PLS1: variants seen among roughly 807,000 people sequenced by gnomAD.
The protein encoded by PLS1 is plastin 1.
In PLS1, 32 loss-of-function variants were observed where a neutral mutation model predicts 73.7. That is an observed-to-expected ratio of 0.43 (90% CI 0.33 to 0.58). The LOEUF is 0.58. Ranked by LOEUF, PLS1 falls within the 20% of genes least tolerant of loss-of-function variation. The pLI, the probability that PLS1 is intolerant of heterozygous loss-of-function variation, is 0.04. For missense variants in PLS1, 633 were observed against 740.5 expected, an observed-to-expected ratio of 0.85 and a Z score of 1.68; for synonymous variants, 217 against 261.3, an observed-to-expected ratio of 0.83 and a Z score of 1.63.
At chr3:142,700,185 A>G (rs1159078950) in intron 12 of PLS1, among the ~76,000 whole-genome samples, 1 of 152,214 alleles carries the variant, frequency 6.6e-6, no homozygotes, top group Non-Finnish European at 1.5e-5. Flanking sequence ...CAGTACTTTC[A>G]TGACACAGTA....
At chr3:142,710,912 A>G (rs190422593) in intron 14 of PLS1, among the ~76,000 whole-genome samples, 345 of 152,250 alleles carry the variant, frequency 2.3e-3, no homozygotes, top group Admixed American at 4.7e-3. Flanking sequence ...TCAGACTGTC[A>G]TGGGTTCTGT....
chr3:142,608,554 T>A (rs2036065964), intron 1 of PLS1, among the ~76,000 whole-genome samples: 1 of 152,190 alleles, frequency 6.6e-6, no homozygotes, highest in African/African-American at 2.4e-5. Context: ...GAGACTCACA[T>A]AGCTTGTCAG....
chr3:142,637,466 A>T (rs1196785037), intron 1 of PLS1, among the ~76,000 whole-genome samples: 1 of 152,194 alleles, frequency 6.6e-6, no homozygotes, highest in Non-Finnish European at 1.5e-5. Flanking sequence ...GACAGTTTCA[A>T]ATATGTTCTA....
intron 6 of PLS1, among the ~76,000 whole-genome samples, chr3:142,683,394 C>T (rs1428930824): frequency 6.6e-6 from 1 of 152,198 alleles, no homozygotes; most frequent in East Asian, 1.9e-4. Flanking sequence ...GTCTCAGCTA[C>T]TCAGGAGGCT....
At chr3:142,683,903 A>G in intron 6 of PLS1, 103 bp from the exon 7 acceptor site, 1 of 747,566 alleles carries the variant, frequency 1.3e-6, no homozygotes, top group South Asian at 2.3e-5. Flanking sequence ...TATTATGTTT[A>G]TAAATCTGAA....
chr3:142,644,434 A>G (rs558699631), intron 1 of PLS1, among the ~76,000 whole-genome samples: 15 of 151,634 alleles, frequency 9.9e-5, no homozygotes, highest in African/African-American at 2.7e-4. Flanking sequence ...TTTATTTTTC[A>G]TAGAGATGGG....
chr3:142,610,221 C>T (rs1051041796), intron 1 of PLS1, among the ~76,000 whole-genome samples: 4 of 152,184 alleles, frequency 2.6e-5, no homozygotes, highest in African/African-American at 9.6e-5. Flanking sequence ...AGTGCAGTTT[C>T]ATCTCTATGG....
At chr3:142,677,514 C>A (rs1199382470) in intron 5 of PLS1, among the ~76,000 whole-genome samples, 1 of 151,948 alleles carries the variant, frequency 6.6e-6, no homozygotes, top group Non-Finnish European at 1.5e-5. Context: ...AGAGGTGGCA[C>A]ACACCTGTAA....
chr3:142,695,239 T>G (rs954750304), intron 11 of PLS1, among the ~76,000 whole-genome samples: 3 of 152,216 alleles, frequency 2.0e-5, no homozygotes, highest in Admixed American at 6.5e-5. Flanking sequence ...ATAATTTATA[T>G]ACCCAAGAAA....
chr3:142,644,127 CTCT>C (rs1159599886), intron 1 of PLS1, among the ~76,000 whole-genome samples: 3 of 152,078 alleles, frequency 2.0e-5, no homozygotes, highest in Admixed American at 1.3e-4. Context: ...TGCATCTGAC[CTCT>C]TCTTTTATTT....
At chr3:142,597,868 T>C (rs1395831301) in intron 1 of PLS1, among the ~76,000 whole-genome samples, 1 of 152,224 alleles carries the variant, frequency 6.6e-6, no homozygotes, top group East Asian at 1.9e-4. Flanking sequence ...AGAAAATTAG[T>C]TGTTTCTCTT....
chr3:142,645,574 C>T (rs867996882), intron 1 of PLS1: 2 of 152,136 alleles, frequency 1.3e-5, no homozygotes, highest in African/African-American at 4.8e-5. Flanking sequence ...GGATTACAAA[C>T]CAGGAGGTAA....
intron 1 of PLS1, among the ~76,000 whole-genome samples, chr3:142,637,288 T>TA (rs2036714870): frequency 6.6e-6 from 1 of 152,192 alleles, no homozygotes; most frequent in Non-Finnish European, 1.5e-5. Flanking sequence ...GAAAAGAGTA[T>TA]GTACACATGA....
intron 1 of PLS1, among the ~76,000 whole-genome samples, chr3:142,620,405 G>A (rs2036293390): frequency 6.6e-6 from 1 of 152,296 alleles, no homozygotes; most frequent in South Asian, 2.1e-4. Flanking sequence ...GGGGTTACAG[G>A]CGTGAGCCAC....
intron 2 of PLS1, among the ~76,000 whole-genome samples, chr3:142,667,617 G>C (rs1449332974): frequency 6.6e-6 from 1 of 152,182 alleles, no homozygotes; most frequent in Non-Finnish European, 1.5e-5. Flanking sequence ...CAAAACCACA[G>C]AGGGCCTAGG....
At chr3:142,609,954 C>T (rs572720073) in intron 1 of PLS1, among the ~76,000 whole-genome samples, 130 of 152,236 alleles carry the variant, frequency 8.5e-4, no homozygotes, top group Non-Finnish European at 1.4e-3. Context: ...CTGCAATCTC[C>T]ACCTCCCTGG....
chr3:142,711,218 T>C (rs1275882699), intron 14 of PLS1, among the ~76,000 whole-genome samples: 1 of 152,182 alleles, frequency 6.6e-6, no homozygotes, highest in African/African-American at 2.4e-5. Context: ...TTCAAAAGTT[T>C]TGTATTTTTT....
intron 1 of PLS1, among the ~76,000 whole-genome samples, chr3:142,627,528 A>G (rs375816000): frequency 2.6e-5 from 4 of 152,142 alleles, no homozygotes; most frequent in East Asian, 1.9e-4. Flanking sequence ...AGTATCTGCT[A>G]TCTGTTTTTT....
chr3:142,696,094 CTT>C (rs765106984), intron 11 of PLS1, among the ~76,000 whole-genome samples: 4 of 152,310 alleles, frequency 2.6e-5, no homozygotes, highest in Admixed American at 2.6e-4. Context: ...GTGCCCAAGA[CTT>C]TTACTTTTAA....
Sources: gnomAD v4.1 joint callset for allele counts (sites outside exome capture counted in the v4.1 genomes callset) on GRCh38, gnomAD v4.1.1 for gene constraint, MANE v1.5 for transcripts, NCBI Gene and HGNC (gene_info 2026-07-23, HGNC 2026-07-21) for gene names.